The following TTC7B variants were observed in gnomAD, a reference collection of about 807,000 sequenced individuals.
TTC7B encodes the protein tetratricopeptide repeat protein 7B.
Under a neutral mutation model 106.8 loss-of-function variants are expected in TTC7B, and 28 were observed. The ratio of observed to expected loss-of-function variants is 0.26; its 90% CI spans 0.19 to 0.36. The LOEUF is 0.36. TTC7B is among the 10% of genes least tolerant of loss of function. TTC7B has a pLI of 1.00. For synonymous variants in TTC7B, 405 were observed against 430.6 expected (o/e 0.94, Z 0.74); for missense variants, 862 against 1,076.4 (o/e 0.80, Z 2.79).
intron 4 of TTC7B, among the ~76,000 whole-genome samples, chr14:90,733,342 C>A (rs530275805): frequency 2.0e-5 from 3 of 152,242 alleles, no homozygotes; most frequent in South Asian, 2.1e-4. Flanking sequence ...AACCCAGATC[C>A]CCCTGACTCC....
intron 17 of TTC7B, among the ~76,000 whole-genome samples, chr14:90,607,267 C>T (rs1461223599): frequency 6.6e-6 from 1 of 152,212 alleles, no homozygotes; most frequent in Admixed American, 6.5e-5. Flanking sequence ...AGCGGGTGAT[C>T]CTGGGCCTGT....
intron 9 of TTC7B, among the ~76,000 whole-genome samples, chr14:90,674,891 C>T (rs1886765895): frequency 6.6e-6 from 1 of 152,264 alleles, no homozygotes; most frequent in East Asian, 1.9e-4. Context: ...GCAAAGGTTC[C>T]CGCAACTACA....
chr14:90,554,395 G>A (rs902253950), intron 19 of TTC7B, among the ~76,000 whole-genome samples: 1 of 152,212 alleles, frequency 6.6e-6, no homozygotes, highest in Non-Finnish European at 1.5e-5. Flanking sequence ...GAGCACGGAC[G>A]TGAGTAAGGA....
intron 1 of TTC7B, among the ~76,000 whole-genome samples, chr14:90,796,193 C>T (rs1346337851): frequency 2.0e-5 from 3 of 152,186 alleles, no homozygotes; most frequent in African/African-American, 2.4e-5. Flanking sequence ...TTTGAAGTCC[C>T]TCTCCTTCAC....
rs1890415729 is a variant in TTC7B at position 90,759,132 on chromosome 14, TTC to T, written c.446-14212_446-14211del. 6.6e-6 allele frequency among the ~76,000 whole-genome samples: 1 copy of T among 150,704 alleles called. No individual in the cohort carries two copies. Among genetic ancestry groups the T allele is most frequent in the African/African-American group, 2.4e-5 (1 of 41,330 alleles). ...GCCGGCCCCAGCTTCCTTCCTGCTCTTCTGTCCCACTCCGACCCACTCCGGAG... is the reference window on the plus strand; with the variant it reads ...GCCGGCCCCAGCTTCCTTCCTGCTCTTGTCCCACTCCGACCCACTCCGGAG... On this transcript the variant is annotated intron_variant, in intron 3 of 19. Transcript: ENST00000328459. The surrounding 1 kb of genome is among the most constrained non-coding windows in gnomAD (Gnocchi z 4.1).
chr14:90,591,435 AC>A (rs1246764335), intron 18 of TTC7B, among the ~76,000 whole-genome samples: 2 of 152,208 alleles, frequency 1.3e-5, no homozygotes, highest in Admixed American at 6.5e-5. Flanking sequence ...TTCCTCCCCA[AC>A]AGTCACGGCA....
intron 19 of TTC7B, among the ~76,000 whole-genome samples, chr14:90,543,344 A>C (rs534864809): frequency 1.3e-5 from 2 of 152,210 alleles, no homozygotes; most frequent in East Asian, 3.9e-4. Flanking sequence ...AGAGTGATGG[A>C]TTCCTCCTAC....
intron 19 of TTC7B, among the ~76,000 whole-genome samples, chr14:90,545,487 TC>T (rs1889790205): frequency 6.6e-6 from 1 of 152,206 alleles, no homozygotes; most frequent in Non-Finnish European, 1.5e-5. Flanking sequence ...ACTGGAGGGC[TC>T]CTTGCCTCAG....
At chr14:90,737,378 A>G (rs957132070) in intron 4 of TTC7B, among the ~76,000 whole-genome samples, 1 of 152,208 alleles carries the variant, frequency 6.6e-6, no homozygotes, top group African/African-American at 2.4e-5. Flanking sequence ...AATGCATATC[A>G]ATTGGTGAAT....
chr14:90,680,511 C>T lies in TTC7B; in HGVS notation c.975G>A (p.Thr325=), dbSNP rs749175457. Residue 325 remains threonine (T), a synonymous_variant, in exon 8 of 20, where the codon ACG becomes ACA. Coordinates refer to ENST00000328459, the MANE Select transcript of TTC7B (RefSeq NM_001010854.2). ...GENIFCPQEN[T]EEALLLLLIS... is the part of the protein sequence containing the mutation. Reference sequence around the variant, plus strand: ...TCAGCAATAACAACAGGGCTTCTTCCGTATTTTCTTGAGGACAAAAAATGC... The same window carrying T: ...TCAGCAATAACAACAGGGCTTCTTCTGTATTTTCTTGAGGACAAAAAATGC... 1.2e-5 allele frequency: 20 copies of T among 1,613,652 alleles called. No individual in the cohort carries two copies. Among genetic ancestry groups the T allele is most frequent in the African/African-American group, 2.7e-5 (2 of 74,872 alleles).
At chr14:90,779,430 G>A (rs1310979768) in intron 3 of TTC7B, among the ~76,000 whole-genome samples, 5 of 152,032 alleles carry the variant, frequency 3.3e-5, no homozygotes, top group Non-Finnish European at 7.4e-5. Context: ...TCAGCTTCCT[G>A]AGTAGCTGGG....
Position 90,813,844 on chromosome 14 carries a change from G to A in TTC7B, c.121+2331C>T, listed in dbSNP as rs191959117. 1.8e-3 allele frequency among the ~76,000 whole-genome samples: 268 copies of A among 152,216 alleles called. 2 individuals carry two copies. The highest frequency in any genetic ancestry group is 5.8e-3 in the African/African-American group (239 of 41,518). Reference sequence around the variant, plus strand: ...CCCGAGAATCTATGGGGGAGCCGGTGCCCCCAAAAGCCAGGAAGAAGTCCC... The same window carrying A: ...CCCGAGAATCTATGGGGGAGCCGGTACCCCCAAAAGCCAGGAAGAAGTCCC... On this transcript the variant is annotated intron_variant, in intron 1 of 19. Coordinates refer to ENST00000328459, the MANE Select transcript of TTC7B (RefSeq NM_001010854.2).
intron 19 of TTC7B, among the ~76,000 whole-genome samples, chr14:90,561,789 G>A (rs1816499497): frequency 6.6e-6 from 1 of 152,214 alleles, no homozygotes; most frequent in Non-Finnish European, 1.5e-5. Context: ...CAGGGAAGAG[G>A]GCTGGCTACA....
At chr14:90,762,912 C>T (rs1485649066) in intron 3 of TTC7B, among the ~76,000 whole-genome samples, 2 of 152,304 alleles carry the variant, frequency 1.3e-5, no homozygotes, top group East Asian at 3.9e-4. Context: ...AGCAATCAAA[C>T]AATGTCTACA....
intron 18 of TTC7B, among the ~76,000 whole-genome samples, chr14:90,584,130 C>T (rs1009532960): frequency 6.6e-6 from 1 of 152,178 alleles, no homozygotes; most frequent in African/African-American, 2.4e-5. Flanking sequence ...GTTCCTTCCT[C>T]GCACCCTAAC....
At chr14:90,594,237 A>G (rs1330350152) in intron 17 of TTC7B, among the ~76,000 whole-genome samples, 1 of 152,184 alleles carries the variant, frequency 6.6e-6, no homozygotes, top group Non-Finnish European at 1.5e-5. Context: ...CTAGACTAGC[A>G]GGGGATGGGA....
intron 1 of TTC7B, among the ~76,000 whole-genome samples, chr14:90,793,284 G>T (rs1438107411): frequency 6.6e-6 from 1 of 152,100 alleles, no homozygotes; most frequent in Non-Finnish European, 1.5e-5. Context: ...AGCACTTTGG[G>T]AGGCCAAGGT....
chr14:90,636,415 AT>A (rs1273499475), intron 15 of TTC7B, among the ~76,000 whole-genome samples: 2 of 136,576 alleles, frequency 1.5e-5, no homozygotes, highest in Admixed American at 8.0e-5. Context: ...AAAAACTGCT[AT>A]AACGATGTGG....
chr14:90,628,772 T>G (rs1022296681), intron 15 of TTC7B, among the ~76,000 whole-genome samples: 1 of 152,250 alleles, frequency 6.6e-6, no homozygotes, highest in Non-Finnish European at 1.5e-5. Context: ...AATCCTGGCC[T>G]GTTTTACATT....
Sources: allele counts gnomAD v4.1 joint callset (sites outside exome capture counted in the v4.1 genomes callset), GRCh38; gene constraint gnomAD v4.1.1; non-coding constraint Gnocchi (gnomAD v3.1); transcripts MANE v1.5; gene names NCBI Gene and HGNC (gene_info 2026-07-23, HGNC 2026-07-21).